Variants in ITGA2 observed in about 807,000 individuals in gnomAD.
The protein encoded by ITGA2 is integrin subunit alpha 2.
ITGA2 carries 101 observed loss-of-function variants against 146.3 expected under a neutral mutation model. The observed-to-expected ratio is 0.69, with a 90% confidence interval of 0.59 to 0.81. The LOEUF is 0.81. Ranked by LOEUF, ITGA2 falls within the 40% of genes least tolerant of loss-of-function variation. The pLI, the probability that ITGA2 is intolerant of heterozygous loss-of-function variation, is 0.00. For missense variants in ITGA2, 1,281 were observed against 1,402.7 expected, an observed-to-expected ratio of 0.91 and a Z score of 1.39; for synonymous variants, 477 against 487.1, an observed-to-expected ratio of 0.98 and a Z score of 0.27.
chr5:53,082,283 T>G (rs192678319), intron 26 of ITGA2, among the ~76,000 whole-genome samples: 30 of 152,274 alleles, frequency 2.0e-4, no homozygotes, highest in Admixed American at 1.3e-3. Flanking sequence ...AAGCAATAAC[T>G]CCTAAACAAA....
intron 3 of ITGA2, 105 bp downstream of exon 3, chr5:53,042,326 T>C (rs993593974): frequency 1.2e-6 from 1 of 812,658 alleles, no homozygotes; most frequent in East Asian, 2.6e-5. Flanking sequence ...AGACAGCTTT[T>C]TTTTGCCCTT....
chr5:53,084,693 C>G (rs1035909737), intron 27 of ITGA2, among the ~76,000 whole-genome samples: 2 of 152,156 alleles, frequency 1.3e-5, no homozygotes, highest in African/African-American at 2.4e-5. Flanking sequence ...ACCTTCCCAG[C>G]TGCTGCAGTG....
rs60630956 is a variant in ITGA2, at chr5:53,017,681, G to T, written c.65-9067G>T. Among the ~76,000 whole-genome samples the T allele has an allele frequency of 3.4e-3, 524 of 152,340 alleles. 4 individuals carry two copies. Among genetic ancestry groups the T allele is most frequent in the African/African-American group, 0.011 (470 of 41,578 alleles). On this transcript the variant is annotated intron_variant, in intron 1 of 29. Transcript: ENST00000296585. ...GGTGCATGGTAGCAGTACAGCAGGG[G>T]CAGGGCACCAGTGGGGATGAGGTTG...
chr5:53,033,607 A>G (rs28413530), intron 2 of ITGA2, among the ~76,000 whole-genome samples: 1 of 151,620 alleles, frequency 6.6e-6, no homozygotes, highest in African/African-American at 2.4e-5. Flanking sequence ...TTAATTAATT[A>G]ATTAATTTGA....
intron 1 of ITGA2, among the ~76,000 whole-genome samples, chr5:52,990,801 A>G (rs559208375): frequency 2.0e-5 from 3 of 152,210 alleles, no homozygotes; most frequent in South Asian, 4.1e-4. Context: ...GGTGCTTCAG[A>G]TACTTTCTCC....
At chr5:53,042,305 T>A in intron 3 of ITGA2, 84 bp downstream of exon 3, 1 of 938,326 alleles carries the variant, frequency 1.1e-6, no homozygotes, top group Non-Finnish European at 1.8e-6. Context: ...TGTTCTGTCT[T>A]AAAGAAATAC....
intron 1 of ITGA2, among the ~76,000 whole-genome samples, chr5:52,991,157 G>A (rs1740935275): frequency 6.6e-6 from 1 of 152,060 alleles, no homozygotes. Context: ...AATAACATCT[G>A]CAAAAGTTTT....
At chr5:53,060,595 A>G (rs1169625481) in intron 11 of ITGA2, among the ~76,000 whole-genome samples, 1 of 151,932 alleles carries the variant, frequency 6.6e-6, no homozygotes, top group Admixed American at 6.6e-5. Flanking sequence ...AAATACATTT[A>G]TTCATTCGTT....
chr5:53,068,633 C>G (rs1370939074), intron 16 of ITGA2, among the ~76,000 whole-genome samples: 1 of 151,664 alleles, frequency 6.6e-6, no homozygotes, highest in African/African-American at 2.4e-5. Context: ...CCCTTTAAAT[C>G]TTTTTTCCTG....
chr5:53,080,465 C>A lies in ITGA2; in HGVS notation c.2929-46C>A, dbSNP rs772503092. On this transcript the variant is annotated intron_variant, in intron 24 of 29. Coordinates refer to ENST00000296585, the MANE Select transcript of ITGA2 (RefSeq NM_002203.4). ...GGGTTACTGGTGAATTTCCTTGCAT[C>A]ATGTACATCCTGTTGCAGTACTGGC... The A allele has an allele frequency of 2.1e-6, 3 of 1,456,868 alleles. No homozygotes were observed. The South Asian group carries it at 3.4e-5, about 17-fold the overall frequency. 90.2% of individuals were successfully genotyped at this position (1,456,868 alleles called of 1,614,324 possible).
At chr5:52,998,901 A>G (rs1741430557) in intron 1 of ITGA2, among the ~76,000 whole-genome samples, 1 of 152,226 alleles carries the variant, frequency 6.6e-6, no homozygotes, top group African/African-American at 2.4e-5. Context: ...CTTCTTTCCA[A>G]TTAGTATATG....
intron 10 of ITGA2, among the ~76,000 whole-genome samples, chr5:53,059,579 T>C (rs1744806761): frequency 6.6e-6 from 1 of 151,914 alleles, no homozygotes; most frequent in Admixed American, 6.6e-5. Context: ...AATATATGCC[T>C]TTGAAAGGGA....
At chr5:52,994,331 T>G (rs1164377816) in intron 1 of ITGA2, among the ~76,000 whole-genome samples, 2 of 152,162 alleles carry the variant, frequency 1.3e-5, no homozygotes, top group Non-Finnish European at 2.9e-5. Context: ...TCATCTTCCT[T>G]TCTAGCAGAA....
In ITGA2 at chr5:53,074,442, G is replaced by A. The variant is rs537942498; in HGVS notation, c.2629G>A (p.Asp877Asn). The A allele has an allele frequency of 1.3e-5, 21 of 1,612,232 alleles. No homozygotes were observed. The highest frequency in any genetic ancestry group is 1.2e-4 in the South Asian group (11 of 91,064). Residue 877 changes from aspartate to asparagine, a missense_variant, in exon 21 of 30, where the codon GAT becomes AAT. Around this residue, in one of 3 missense-constraint regions of ITGA2, gnomAD observed 475 missense variants for 530.5 expected, o/e 0.90. Transcript: ENST00000296585. ...TGCATCTCAGAAGTCTGTTGCCTGC[G>A]ATGTAGGCTACCCTGCTTTAAAGAG... ...VAASQKSVAC[D>N]VGYPALKREQ...
chr5:53,077,453 T>A lies in ITGA2; in HGVS notation c.2826-1319T>A, dbSNP rs139403447. Among the ~76,000 whole-genome samples, 227 of 152,178 alleles carry A rather than the reference T, an allele frequency of 1.5e-3. 1 individual carries two copies. The South Asian group carries it at 0.027, about 18-fold the overall frequency. On this transcript the variant is annotated intron_variant, in intron 23 of 29. Coordinates refer to ENST00000296585, the MANE Select transcript of ITGA2 (RefSeq NM_002203.4). ...AGCAGGATCCCCCTGAGTATAGATATTTACTATTATAAATATATTGATCAA... is the reference window on the plus strand; with the variant it reads ...AGCAGGATCCCCCTGAGTATAGATAATTACTATTATAAATATATTGATCAA...
rs1223392302 is a variant in ITGA2 at position 53,091,905 on chromosome 5, T to TC, written c.*1306_*1307insC. 7 of 152,202 alleles carry TC rather than the reference T, an allele frequency of 4.6e-5. No individual in the cohort carries two copies. The highest frequency in any genetic ancestry group is 1.4e-4 in the African/African-American group (6 of 41,452). 9.4% of individuals were successfully genotyped at this position (152,202 alleles called of 1,614,324 possible). On this transcript the variant is annotated 3_prime_UTR_variant, in exon 30 of 30. Coordinates refer to ENST00000296585, the MANE Select transcript of ITGA2 (RefSeq NM_002203.4). ...GATGAGGCACTGGAAGCCACCAAAT[T>TC]AGCAGGTGCACCTTCTGTGGCTGTC...
intron 1 of ITGA2, among the ~76,000 whole-genome samples, chr5:52,989,817 CACACACACACACACACACAG>C (rs1005088480): frequency 4.9e-5 from 7 of 141,680 alleles, no homozygotes; most frequent in African/African-American, 1.3e-4. Flanking sequence ...CACACACGCA[CACACACACACACACACACAG>C]ACAGACACGC....
chr5:53,039,916 T>G (rs1743702058), intron 2 of ITGA2, among the ~76,000 whole-genome samples: 1 of 152,084 alleles, frequency 6.6e-6, no homozygotes, highest in African/African-American at 2.4e-5. Flanking sequence ...GGCACAGAAT[T>G]CCTAGCCCTC....
At chr5:53,064,862 T>C (rs1467650510) in intron 13 of ITGA2, 50 bp from the exon 14 acceptor site, 11 of 1,557,394 alleles carry the variant, frequency 7.1e-6, no homozygotes, top group African/African-American at 1.4e-5. Context: ...ATTTTAATTA[T>C]ACAAGTTGTA....
Sources: allele counts gnomAD v4.1 joint callset (sites outside exome capture counted in the v4.1 genomes callset), GRCh38; gene constraint gnomAD v4.1.1; regional missense constraint gnomAD v4.1.1; transcripts MANE v1.5; gene names NCBI Gene and HGNC (gene_info 2026-07-23, HGNC 2026-07-21).